Variants in NCAM2 observed in about 807,000 individuals in gnomAD.
NCAM2 encodes neural cell adhesion molecule 2, also known as N-CAM-2.
NCAM2 carries 30 observed loss-of-function variants against 98.1 expected under a neutral mutation model. That is an observed-to-expected ratio of 0.31 (90% confidence interval 0.23 to 0.41). The LOEUF (loss-of-function observed/expected upper bound fraction) is 0.41, where lower values mean the gene tolerates loss of function less well. Among genes scored for constraint, NCAM2 ranks in the 10% least tolerant of loss-of-function variants. The pLI is 1.00. For synonymous variants in NCAM2, 368 were observed against 342.4 expected (o/e 1.07, Z -0.83); for missense variants, 867 against 1,005.8 (o/e 0.86, Z 1.87).
chr21:21,532,711 T>C (rs927391158), intron 16 of NCAM2, among the ~76,000 whole-genome samples: 1 of 152,254 alleles, frequency 6.6e-6, no homozygotes, highest in African/African-American at 2.4e-5. Flanking sequence ...TATACTCCTG[T>C]ATGTCATCAC....
At chr21:21,242,531 G>T (rs1334419498) in intron 1 of NCAM2, among the ~76,000 whole-genome samples, 2 of 152,018 alleles carry the variant, frequency 1.3e-5, no homozygotes, top group Non-Finnish European at 2.9e-5. Context: ...TCTCCATTCT[G>T]TTCTCTACTT....
At chr21:21,161,628 A>G (rs1379046110) in intron 1 of NCAM2, among the ~76,000 whole-genome samples, 3 of 151,908 alleles carry the variant, frequency 2.0e-5, no homozygotes, top group African/African-American at 7.3e-5. Flanking sequence ...TATAGGATAT[A>G]TATGTGTGTA....
intron 1 of NCAM2, among the ~76,000 whole-genome samples, chr21:21,121,336 C>CAGTA (rs1365236133): frequency 6.6e-6 from 1 of 152,144 alleles, no homozygotes; most frequent in African/African-American, 2.4e-5. Flanking sequence ...TTTAATAAGA[C>CAGTA]AGTACCATAA....
At chr21:21,383,700 A>G (rs2076205938) in intron 9 of NCAM2, among the ~76,000 whole-genome samples, 1 of 152,094 alleles carries the variant, frequency 6.6e-6, no homozygotes. Context: ...AAATCTTTAT[A>G]TATTCTACTT....
Position 21,525,619 on chromosome 21 carries a change from T to C in NCAM2, c.2283-8918T>C, listed in dbSNP as rs569509246. On this transcript the variant is annotated intron_variant, in intron 16 of 17. Coordinates refer to ENST00000400546, the MANE Select transcript of NCAM2 (RefSeq NM_004540.5). The stretch of plus-strand genomic sequence containing the variant: ...TTAAATTATATCAATTATCTACATG[T>C]TATTTCAAAAGATAGAAATAGAGAG... Among the ~76,000 whole-genome samples, 135 of 152,240 alleles carry C rather than the reference T, an allele frequency of 8.9e-4. No homozygotes were observed. The South Asian group carries it at 0.012, about 13-fold the overall frequency.
rs5842912 is a variant in NCAM2, at chr21:21,298,586, T to TACAGACAG, written c.619+6350_619+6351insCAGACAGA. ...TTATATAAACTAGAGAAATGATAGA[T>TACAGACAG]ACAGATAGATAGATAGATAGATAGA... On this transcript the variant is annotated intron_variant, in intron 5 of 17. Coordinates refer to ENST00000400546, the MANE Select transcript of NCAM2 (RefSeq NM_004540.5). Among the ~76,000 whole-genome samples, 587 of 112,176 alleles carry TACAGACAG rather than the reference T, an allele frequency of 5.2e-3. 5 individuals carry two copies. Among genetic ancestry groups the TACAGACAG allele is most frequent in the African/African-American group, 0.016 (571 of 34,622 alleles). The allele number at this position is 112,176 out of a possible 152,430, so 73.6% of individuals were successfully genotyped here.
chr21:21,135,256 A>AAAC (rs10659251), intron 1 of NCAM2, among the ~76,000 whole-genome samples: 61,315 of 145,610 alleles, frequency 0.42, 14,039 homozygotes, highest in African/African-American at 0.55. Flanking sequence ...AAAAAAAAAA[A>AAAC]AAAAAAAACT....
intron 8 of NCAM2, among the ~76,000 whole-genome samples, chr21:21,355,751 G>C (rs893860602): frequency 6.6e-6 from 1 of 151,624 alleles, no homozygotes; most frequent in Admixed American, 6.6e-5. Context: ...GAGTAGCTGG[G>C]ACTACAGGCG....
chr21:21,369,713 T>A (rs555443303), intron 8 of NCAM2, among the ~76,000 whole-genome samples: 2 of 151,850 alleles, frequency 1.3e-5, no homozygotes, highest in Non-Finnish European at 2.9e-5. Flanking sequence ...TTTCAGCATC[T>A]TCTCATGATC....
chr21:21,348,807 A>G (rs2147928969), intron 8 of NCAM2, among the ~76,000 whole-genome samples: 1 of 152,284 alleles, frequency 6.6e-6, no homozygotes, highest in South Asian at 2.1e-4. Flanking sequence ...CCCATTTTCA[A>G]CAAAAGTGCC....
chr21:21,445,280 C>T (rs1979934361), intron 12 of NCAM2, among the ~76,000 whole-genome samples: 1 of 152,050 alleles, frequency 6.6e-6, no homozygotes, highest in East Asian at 1.9e-4. Context: ...GAATAAATGC[C>T]ATATGGAACT....
At chr21:21,069,169 T>C (rs1190823241) in intron 1 of NCAM2, among the ~76,000 whole-genome samples, 1 of 152,214 alleles carries the variant, frequency 6.6e-6, no homozygotes, top group African/African-American at 2.4e-5. Context: ...TATGTCCCCA[T>C]GTAAAAATTC....
chr21:21,345,901 A>G (rs2075174055), intron 8 of NCAM2, among the ~76,000 whole-genome samples: 1 of 152,084 alleles, frequency 6.6e-6, no homozygotes, highest in South Asian at 2.1e-4. Flanking sequence ...CCAATGGTCA[A>G]GGATAAAAAA....
intron 5 of NCAM2, among the ~76,000 whole-genome samples, chr21:21,295,688 G>T (rs771245030): frequency 6.6e-6 from 1 of 151,774 alleles, no homozygotes; most frequent in Non-Finnish European, 1.5e-5. Context: ...ATGAACACAG[G>T]AGGAGCAGAT....
chr21:21,450,607 G>A (rs1980889712), intron 12 of NCAM2, among the ~76,000 whole-genome samples: 2 of 151,988 alleles, frequency 1.3e-5, no homozygotes, highest in Admixed American at 1.3e-4. Flanking sequence ...CGGGATTATA[G>A]GCATGAGCCA....
intron 11 of NCAM2, among the ~76,000 whole-genome samples, chr21:21,420,317 C>A (rs1044098716): frequency 1.7e-3 from 264 of 151,748 alleles, no homozygotes; most frequent in African/African-American, 6.0e-3. Flanking sequence ...TCATACAAAC[C>A]AGAAAGCCAG....
At chr21:21,500,517 C>T (rs370386390) in intron 15 of NCAM2, among the ~76,000 whole-genome samples, 3 of 141,268 alleles carry the variant, frequency 2.1e-5, no homozygotes, top group South Asian at 2.2e-4. Flanking sequence ...TTATAACTTG[C>T]GTAAATCAAA....
intron 1 of NCAM2, among the ~76,000 whole-genome samples, chr21:21,209,570 G>T (rs1354874606): frequency 6.6e-6 from 1 of 152,068 alleles, no homozygotes; most frequent in Non-Finnish European, 1.5e-5. Flanking sequence ...GGCAGGATGG[G>T]AAAAGGGCAG....
At chr21:21,070,486 G>C (rs927002678) in intron 1 of NCAM2, among the ~76,000 whole-genome samples, 1 of 152,108 alleles carries the variant, frequency 6.6e-6, no homozygotes, top group South Asian at 2.1e-4. Context: ...ACAGAGGGCA[G>C]TGGAATTGAA....
Sources: gnomAD v4.1 joint callset for allele counts (sites outside exome capture counted in the v4.1 genomes callset) on GRCh38, gnomAD v4.1.1 for gene constraint, MANE v1.5 for transcripts, NCBI Gene and HGNC (gene_info 2026-07-23, HGNC 2026-07-21) for gene names.